The following PHLPP1 variants were observed in gnomAD, a reference collection of about 807,000 sequenced individuals.
The protein encoded by PHLPP1 is PH domain and leucine rich repeat protein phosphatase 1, also known as PH domain leucine-rich repeat-containing protein phosphatase 1.
In PHLPP1, 42 loss-of-function variants were observed where a neutral mutation model predicts 117.2. The observed-to-expected ratio is 0.36, with a 90% CI of 0.28 to 0.46. The LOEUF is 0.46. Among genes scored for constraint, PHLPP1 ranks in the 20% least tolerant of loss-of-function variants. The pLI, the probability that PHLPP1 is intolerant of heterozygous loss-of-function variation, is 1.00. For missense variants in PHLPP1, 2,084 were observed against 2,241.9 expected (o/e 0.93, Z 1.42); for synonymous variants, 1,042 against 970.7 (o/e 1.07, Z -1.37).
At chr18:62,775,915 G>A (rs189990531) in intron 1 of PHLPP1, among the ~76,000 whole-genome samples, 277 of 151,918 alleles carry the variant, frequency 1.8e-3, no homozygotes, top group African/African-American at 6.5e-3. Context: ...AGATTCGTTT[G>A]CATTTCTATA....
At chr18:62,775,534 A>G (rs1357464423) in intron 1 of PHLPP1, among the ~76,000 whole-genome samples, 1 of 152,214 alleles carries the variant, frequency 6.6e-6, no homozygotes, top group Non-Finnish European at 1.5e-5. Flanking sequence ...GTCTAAACTC[A>G]TATATTCATT....
intron 3 of PHLPP1, 110 bp from the exon 4 acceptor site, chr18:62,860,325 G>C (rs1429228839): frequency 1.1e-6 from 1 of 874,122 alleles, no homozygotes; most frequent in Non-Finnish European, 1.8e-6. Context: ...GACTAACAGT[G>C]CTACTTTCAT....
chr18:62,905,357 A>C (rs1203995797), intron 8 of PHLPP1, 73 bp downstream of exon 8: 1 of 707,732 alleles, frequency 1.4e-6, no homozygotes, highest in Non-Finnish European at 2.1e-6. Flanking sequence ...GAGCTTATGC[A>C]CAAGTACTTT....
At chr18:62,960,469 G>A (rs957240551) in intron 13 of PHLPP1, among the ~76,000 whole-genome samples, 7 of 152,032 alleles carry the variant, frequency 4.6e-5, no homozygotes, top group African/African-American at 1.7e-4. Flanking sequence ...CTCAAGAGTA[G>A]ATATAAATGG....
At chr18:62,838,649 T>C (rs955585670) in intron 2 of PHLPP1, 135 bp from the exon 3 acceptor site, 2 of 752,008 alleles carry the variant, frequency 2.7e-6, no homozygotes, top group Non-Finnish European at 4.2e-6. Flanking sequence ...AGGAACTTAG[T>C]TCTCATTAAT....
chr18:62,979,994 C>G lies in PHLPP1; in HGVS notation c.*563C>G, dbSNP rs577392823. On this transcript the variant is annotated 3_prime_UTR_variant, in exon 17 of 17. Coordinates refer to ENST00000262719, the MANE Select transcript of PHLPP1 (RefSeq NM_194449.4). ...TCACTAATTTTCTCTGAGAGAACAG[C>G]TGATTGAGAATTTCCATTGTAAATA... 1 of 154,944 alleles carries G rather than the reference C, an allele frequency of 6.5e-6. No homozygotes were observed. Among genetic ancestry groups the G allele is most frequent in the South Asian group, 2.0e-4 (1 of 4,932 alleles). 9.6% of individuals were successfully genotyped at this position (154,944 alleles called of 1,614,324 possible).
chr18:62,952,296 T>C (rs1668054765), intron 12 of PHLPP1, among the ~76,000 whole-genome samples: 1 of 152,150 alleles, frequency 6.6e-6, no homozygotes, highest in Admixed American at 6.5e-5. Context: ...TGTAAAGAAA[T>C]TGTTCAGTTT....
chr18:62,975,273 G>A, intron 15 of PHLPP1, 124 bp from the exon 16 acceptor site: 1 of 668,708 alleles, frequency 1.5e-6, no homozygotes, highest in African/African-American at 1.8e-5. Flanking sequence ...GATGAAGGAG[G>A]CGGAGTGGAA....
intron 1 of PHLPP1, among the ~76,000 whole-genome samples, chr18:62,770,878 A>C (rs956104449): frequency 1.3e-5 from 2 of 152,208 alleles, no homozygotes; most frequent in African/African-American, 4.8e-5. Context: ...ATATTTTAAA[A>C]TAATTTTGTG....
intron 1 of PHLPP1, among the ~76,000 whole-genome samples, chr18:62,764,932 C>T (rs569219749): frequency 1.3e-4 from 20 of 152,328 alleles, no homozygotes; most frequent in East Asian, 7.7e-4. Context: ...ACTTTACTGT[C>T]GTCGTTCTTT....
At chr18:62,837,259 T>C (rs1914931806) in intron 2 of PHLPP1, among the ~76,000 whole-genome samples, 1 of 152,224 alleles carries the variant, frequency 6.6e-6, no homozygotes, top group Non-Finnish European at 1.5e-5. Flanking sequence ...CCCGAAGTGC[T>C]GGGATTACAA....
intron 14 of PHLPP1, among the ~76,000 whole-genome samples, chr18:62,967,636 A>C (rs1053077631): frequency 6.6e-6 from 1 of 152,002 alleles, no homozygotes; most frequent in African/African-American, 2.4e-5. Flanking sequence ...TTTTATAATG[A>C]AATCTTAGTT....
At chr18:62,766,311 C>T (rs79133895) in intron 1 of PHLPP1, among the ~76,000 whole-genome samples, 4,562 of 151,026 alleles carry the variant, frequency 0.03, 94 homozygotes, top group Middle Eastern at 0.075. Context: ...TTCGTGTTTG[C>T]ATGCTTGTAT....
intron 1 of PHLPP1, among the ~76,000 whole-genome samples, chr18:62,741,221 AT>A (rs549369068): frequency 2.6e-5 from 4 of 152,222 alleles, no homozygotes; most frequent in Non-Finnish European, 5.9e-5. Context: ...CCCTGGTGGA[AT>A]GGCTGTAGAG....
chr18:62,888,288 TGTG>T (rs1210020793), intron 4 of PHLPP1, among the ~76,000 whole-genome samples: 1 of 4,670 alleles, frequency 2.1e-4, no homozygotes, highest in Non-Finnish European at 6.8e-4. Context: ...TTTCACAAAA[TGTG>T]TGTGTGTGTG....
At chr18:62,902,595 G>A (rs764818459) in intron 6 of PHLPP1, among the ~76,000 whole-genome samples, 3 of 152,050 alleles carry the variant, frequency 2.0e-5, no homozygotes, top group Admixed American at 6.6e-5. Flanking sequence ...TGTTCTTTTC[G>A]GTATGGTGTA....
chr18:62,726,228 TG>T (rs1360170351), intron 1 of PHLPP1, among the ~76,000 whole-genome samples: 1 of 151,820 alleles, frequency 6.6e-6, no homozygotes, highest in African/African-American at 2.4e-5. Context: ...TAACTGATCC[TG>T]GGGAAAAAAA....
chr18:62,880,042 C>T (rs1916139751), intron 4 of PHLPP1, among the ~76,000 whole-genome samples: 1 of 151,270 alleles, frequency 6.6e-6, no homozygotes, highest in Non-Finnish European at 1.5e-5. Flanking sequence ...GAGCTTTGTT[C>T]TCAAATTGTT....
In PHLPP1 at chr18:62,738,556, AT is replaced by A. The variant is rs1911434239; in HGVS notation, c.1576+21301del. Among the ~76,000 whole-genome samples the A allele has an allele frequency of 2.6e-5, 4 of 152,252 alleles. No individual in the cohort carries two copies. In the South Asian group the frequency reaches 8.3e-4, roughly 32 times the overall value. On this transcript the variant is annotated intron_variant, in intron 1 of 16. Transcript: ENST00000262719. The stretch of plus-strand genomic sequence containing the variant: ...ATATAAGGGACTTGAGTGTCCATTG[AT>A]TTTGGTATCTTTTGGGGTGGGTGGT...
Sources: allele counts gnomAD v4.1 joint callset (sites outside exome capture counted in the v4.1 genomes callset), GRCh38; gene constraint gnomAD v4.1.1; transcripts MANE v1.5; gene names NCBI Gene and HGNC (gene_info 2026-07-23, HGNC 2026-07-21).